MAP3K15: variants seen among roughly 807,000 people sequenced by gnomAD.
MAP3K15 encodes mitogen-activated protein kinase kinase kinase 15.
Under a neutral mutation model 99.5 loss-of-function variants are expected in MAP3K15, and 124 were observed. The ratio of observed to expected loss-of-function variants is 1.25; its 90% CI spans 1.08 to 1.45. MAP3K15 has a LOEUF of 1.45. Ranked by LOEUF, MAP3K15 falls within the 40% of genes most tolerant of loss-of-function variation. MAP3K15 has a pLI of 0.00. For synonymous variants in MAP3K15, 494 were observed against 439.6 expected (o/e 1.12, Z -1.55); for missense variants, 1,242 against 1,079.7 (o/e 1.15, Z -2.11).
rs140380348 is a variant in MAP3K15, at chrX:19,361,569, G to C, written c.3704C>G (p.Pro1235Arg). 6 of 1,207,428 alleles carry C rather than the reference G, an allele frequency of 5.0e-6. No individual in the cohort carries two copies. In the African/African-American group the frequency reaches 7.0e-5, roughly 14 times the overall value. The change falls in exon 27 of 29, where the codon CCC becomes CGC. Residue 1235 changes from proline to arginine, a missense_variant. Transcript: ENST00000338883. ...CTCTTTATCTGTTCTCTGCCCGTAG[G>C]GGCCTGCTGGGTTCTCTGTAATACC... The part of the protein sequence containing the change: ...SNCITENPAG[P>R]YGQRTDKELI...
At chrX:19,488,507 G>C (rs1157986929) in intron 2 of MAP3K15, among the ~76,000 whole-genome samples, 1 of 111,758 alleles carries the variant, frequency 8.9e-6, no homozygotes, top group East Asian at 2.8e-4. Flanking sequence ...ATTTTTATGT[G>C]TAGGTTTGGA....
At position 19,515,081 on chromosome X, in the gene MAP3K15, G is replaced by T; in HGVS notation, c.181C>A (p.Leu61Met). 1 of 911,356 alleles carries T rather than the reference G, an allele frequency of 1.1e-6. No homozygotes were observed. The highest frequency in any genetic ancestry group is 2.1e-5 in the African/African-American group (1 of 47,113). The allele number at this position is 911,356 out of a possible 1,213,427, so 75.1% of individuals were successfully genotyped here. A position where few individuals can be genotyped will look rare whatever the true frequency, so the allele number is the denominator to read the frequency against. Residue 61 changes from leucine to methionine, a missense_variant, in exon 1 of 29, where the codon CTG (leucine) becomes ATG (methionine). By Grantham distance (15) the Leu-to-Met change is conservative (BLOSUM62 2). Transcript: ENST00000338883. Reference sequence around the variant, plus strand: ...TCACTGCGCACGTATACTGCCCGCAGAGCCCGCCGCGGCCCGCCCCCACTC... The same window carrying T: ...TCACTGCGCACGTATACTGCCCGCATAGCCCGCCGCGGCCCGCCCCCACTC... ...GESGGGPRRA[L>M]RAVYVRSESS...
intron 1 of MAP3K15, among the ~76,000 whole-genome samples, chrX:19,511,558 A>G (rs5955807): frequency 0.2 from 21,892 of 111,602 alleles, 1,790 homozygotes; most frequent in African/African-American, 0.3. Flanking sequence ...AAACAAACAT[A>G]TGAAAAAAAA....
chrX:19,375,416 G>A (rs1395494602), intron 19 of MAP3K15, among the ~76,000 whole-genome samples: 2 of 111,940 alleles, frequency 1.8e-5, no homozygotes, highest in Admixed American at 9.4e-5. Context: ...TGTATAGACA[G>A]GTAACTAATG....
rs868256045 is a variant in MAP3K15 at position 19,425,431 on chromosome X, A to C, written c.1439+100T>G. 13 of 877,647 alleles carry C rather than the reference A, an allele frequency of 1.5e-5. No homozygotes were observed. The Middle Eastern group carries it at 3.9e-3, about 260-fold the overall frequency. 72.3% of individuals were successfully genotyped at this position (877,647 alleles called of 1,213,427 possible). On this transcript the variant is annotated intron_variant, in intron 9 of 28. Transcript: ENST00000338883. ...TTGTGTCTGTGCTAACTTTGCTTTA[A>C]TGAAAAGTCAGAAGGAGAAACATAG...
intron 12 of MAP3K15, among the ~76,000 whole-genome samples, chrX:19,407,567 T>C (rs1337936725): frequency 8.9e-6 from 1 of 112,021 alleles, no homozygotes; most frequent in East Asian, 2.8e-4. Flanking sequence ...GGGAATAAAA[T>C]ATGGTTCTCT....
chrX:19,483,692 C>T (rs2064306358), intron 3 of MAP3K15, among the ~76,000 whole-genome samples: 1 of 111,067 alleles, frequency 9.0e-6, no homozygotes, highest in Non-Finnish European at 1.9e-5. Context: ...AGGGTCACCC[C>T]AATCCACATG....
At chrX:19,482,179 C>CAAAAAAAAAAAAAAAAAAAAAAAAAAAAA (rs34191166) in intron 3 of MAP3K15, 1 of 31,465 alleles carries the variant, frequency 3.2e-5, no homozygotes, top group African/African-American at 1.1e-4. Flanking sequence ...GATTCCAGCT[C>CAAAAAAAAAAAAAAAAAAAAAAAAAAAAA]AAAAAAAAAA....
At chrX:19,437,580 T>C (rs1202514874) in intron 6 of MAP3K15, among the ~76,000 whole-genome samples, 1 of 111,952 alleles carries the variant, frequency 8.9e-6, no homozygotes, top group Non-Finnish European at 1.9e-5. Flanking sequence ...CTAATAGGTG[T>C]GGTCTTCTCT....
chrX:19,417,060 T>C (rs1404893432), intron 9 of MAP3K15, among the ~76,000 whole-genome samples: 2 of 112,397 alleles, frequency 1.8e-5, no homozygotes, highest in Non-Finnish European at 3.8e-5. Context: ...AGTACAGTTT[T>C]TGGTAGAGCC....
chrX:19,361,244 T>C (rs940776922), intron 28 of MAP3K15, 95 bp downstream of exon 28: 1 of 733,664 alleles, frequency 1.4e-6, no homozygotes, highest in Non-Finnish European at 2.0e-6. Context: ...ACTCCAGAGT[T>C]TGGGGGGAGG....
intron 24 of MAP3K15, among the ~76,000 whole-genome samples, chrX:19,370,738 G>C (rs1023071242): frequency 4.0e-4 from 45 of 111,560 alleles, no homozygotes; most frequent in Non-Finnish European, 6.6e-4. Context: ...TTTATGTGTA[G>C]TCACCTTCAT....
chrX:19,435,297 T>C (rs1037044434), intron 6 of MAP3K15, among the ~76,000 whole-genome samples: 1 of 107,692 alleles, frequency 9.3e-6, no homozygotes, highest in Non-Finnish European at 1.9e-5. Flanking sequence ...ACGATCTCGG[T>C]TCACTACAGC....
At chrX:19,452,602 G>A (rs1381410715) in intron 6 of MAP3K15, among the ~76,000 whole-genome samples, 3 of 111,699 alleles carry the variant, frequency 2.7e-5, no homozygotes, top group Non-Finnish European at 3.8e-5. Flanking sequence ...ATCGACAGAT[G>A]AATGGATAAA....
At chrX:19,402,188 A>G (rs1291580182) in intron 13 of MAP3K15, among the ~76,000 whole-genome samples, 1 of 109,128 alleles carries the variant, frequency 9.2e-6, no homozygotes, top group African/African-American at 3.4e-5. Flanking sequence ...CCAGCTACTC[A>G]GGAGACTGAG....
intron 11 of MAP3K15, among the ~76,000 whole-genome samples, chrX:19,412,837 C>T (rs912847688): frequency 7.2e-5 from 8 of 110,568 alleles, no homozygotes; most frequent in Non-Finnish European, 1.5e-4. Flanking sequence ...CAGGTTCAAG[C>T]GATCCTCCCA....
At chrX:19,490,455 T>A (rs1296664872) in intron 1 of MAP3K15, among the ~76,000 whole-genome samples, 2 of 110,839 alleles carry the variant, frequency 1.8e-5, no homozygotes, top group Non-Finnish European at 3.8e-5. Context: ...TAACAACATA[T>A]AACGTGCCCT....
intron 25 of MAP3K15, 40 bp downstream of exon 25, chrX:19,369,014 C>A (rs112552306): frequency 1.7e-6 from 2 of 1,143,349 alleles, no homozygotes; most frequent in South Asian, 2.1e-5. Context: ...GGCCACTGTC[C>A]CAGCGCCTGC....
intron 18 of MAP3K15, among the ~76,000 whole-genome samples, chrX:19,387,312 T>G (rs1380207257): frequency 8.9e-6 from 1 of 111,973 alleles, no homozygotes; most frequent in Non-Finnish European, 1.9e-5. Flanking sequence ...TGAAGCTGCT[T>G]GAACTCTGGA....
Sources: allele counts gnomAD v4.1 joint callset (sites outside exome capture counted in the v4.1 genomes callset), GRCh38; gene constraint gnomAD v4.1.1; transcripts MANE v1.5; gene names NCBI Gene and HGNC (gene_info 2026-07-23, HGNC 2026-07-21).